ADAMTS3: variants seen among roughly 807,000 people sequenced by gnomAD.
ADAMTS3 encodes ADAM metallopeptidase with thrombospondin type 1 motif 3.
ADAMTS3 carries 73 observed loss-of-function variants against 129.0 expected under a neutral mutation model. The observed-to-expected ratio is 0.57, with a 90% CI of 0.47 to 0.69. The LOEUF is 0.69. ADAMTS3 is among the 30% of genes least tolerant of loss of function. The pLI is 0.00. For synonymous variants in ADAMTS3, 477 were observed against 510.8 expected, an observed-to-expected ratio of 0.93 and a Z score of 0.89; for missense variants, 1,457 against 1,514.5, an observed-to-expected ratio of 0.96 and a Z score of 0.63.
intron 4 of ADAMTS3, among the ~76,000 whole-genome samples, chr4:72,367,625 C>T (rs1337273305): frequency 1.3e-5 from 2 of 151,974 alleles, no homozygotes; most frequent in African/African-American, 4.8e-5. Context: ...CCGAGGCAGG[C>T]GGATCCCAAG....
chr4:72,299,227 A>C (rs1413962829), intron 17 of ADAMTS3, among the ~76,000 whole-genome samples: 1 of 151,848 alleles, frequency 6.6e-6, no homozygotes, highest in African/African-American at 2.4e-5. Flanking sequence ...GGTCAGAGGG[A>C]ATGGAAGGAG....
intron 4 of ADAMTS3, 86 bp from the exon 5 acceptor site, chr4:72,339,779 G>C (rs1308761211): frequency 9.4e-7 from 1 of 1,065,056 alleles, no homozygotes; most frequent in Non-Finnish European, 1.4e-6. Context: ...TCTTCTCAGG[G>C]GCCTATCAGT....
chr4:72,536,665 T>C (rs1168867953), intron 3 of ADAMTS3, among the ~76,000 whole-genome samples: 1 of 152,166 alleles, frequency 6.6e-6, no homozygotes, highest in African/African-American at 2.4e-5. Context: ...GTCATGAGGC[T>C]GGTAAGTGAT....
At chr4:72,296,540 T>C (rs1718813340) in intron 18 of ADAMTS3, among the ~76,000 whole-genome samples, 1 of 152,104 alleles carries the variant, frequency 6.6e-6, no homozygotes, top group East Asian at 1.9e-4. Flanking sequence ...TGCATCTAGA[T>C]TGATCTTTTG....
intron 4 of ADAMTS3, among the ~76,000 whole-genome samples, chr4:72,354,057 G>A (rs961858211): frequency 7.2e-5 from 11 of 152,036 alleles, no homozygotes; most frequent in African/African-American, 2.7e-4. Flanking sequence ...GGCATTGGAT[G>A]TGGATAAGAC....
chr4:72,408,501 C>A (rs12508388), intron 4 of ADAMTS3, among the ~76,000 whole-genome samples: 2 of 151,840 alleles, frequency 1.3e-5, no homozygotes, highest in Non-Finnish European at 2.9e-5. Context: ...GCTTGATGAT[C>A]CAGCAAGGAA....
Position 72,498,784 on chromosome 4 carries a change from T to C in ADAMTS3, c.504+49694A>G, listed in dbSNP as rs150441871. On this transcript the variant is annotated intron_variant, in intron 3 of 21. Transcript: ENST00000286657. ...TTAACTTCCCCATAAAGCTGTCTCA[T>C]AGTTTCAGTAATAACAGAATTCTTG... Among the ~76,000 whole-genome samples the C allele has an allele frequency of 2.6e-5, 4 of 152,158 alleles. No individual in the cohort carries two copies. The East Asian group carries it at 7.7e-4, about 29-fold the overall frequency.
chr4:72,376,421 C>A (rs1485907457), intron 4 of ADAMTS3, among the ~76,000 whole-genome samples: 1 of 152,066 alleles, frequency 6.6e-6, no homozygotes, highest in Admixed American at 6.6e-5. Context: ...TCAGCATGGA[C>A]GTTCAATAAA....
rs202113610 is a variant in ADAMTS3, at chr4:72,536,239, GT to G, written c.504+12238del. Among the ~76,000 whole-genome samples, 232 of 152,246 alleles carry G rather than the reference GT, an allele frequency of 1.5e-3. 3 individuals carry two copies. Among genetic ancestry groups the G allele is most frequent in the Admixed American group, 8.7e-3 (133 of 15,298 alleles). ...ATATAAATAAGATGGAAAGTAATGG[GT>G]TTTTTATCTTTAGAACTCTTCAGGA... On this transcript the variant is annotated intron_variant, in intron 3 of 21. Transcript: ENST00000286657.
chr4:72,389,038 A>G (rs767283278), intron 4 of ADAMTS3, among the ~76,000 whole-genome samples: 2 of 152,132 alleles, frequency 1.3e-5, no homozygotes, highest in Non-Finnish European at 2.9e-5. Context: ...CACAAACCAA[A>G]ATTCCAGATT....
intron 20 of ADAMTS3, among the ~76,000 whole-genome samples, chr4:72,290,032 A>C (rs1274085583): frequency 6.6e-6 from 1 of 152,146 alleles, no homozygotes; most frequent in African/African-American, 2.4e-5. Context: ...TTCCTCCTAT[A>C]AACTATTCTC....
intron 3 of ADAMTS3, among the ~76,000 whole-genome samples, chr4:72,426,981 G>A (rs1218773722): frequency 6.6e-6 from 1 of 152,052 alleles, no homozygotes; most frequent in East Asian, 1.9e-4. Flanking sequence ...ATTAAATTAG[G>A]TGGGTGGAAA....
chr4:72,451,205 A>C (rs905293896), intron 3 of ADAMTS3, among the ~76,000 whole-genome samples: 21 of 151,712 alleles, frequency 1.4e-4, no homozygotes, highest in African/African-American at 3.6e-4. Flanking sequence ...GGAGAAGATC[A>C]AGTCTGGCCC....
chr4:72,443,146 A>G (rs1560517275), intron 3 of ADAMTS3, among the ~76,000 whole-genome samples: 1 of 151,610 alleles, frequency 6.6e-6, no homozygotes, highest in Non-Finnish European at 1.5e-5. Context: ...TTCCCTGCCC[A>G]TATCTGCCCA....
At chr4:72,476,088 C>G (rs1192691460) in intron 3 of ADAMTS3, among the ~76,000 whole-genome samples, 1 of 151,514 alleles carries the variant, frequency 6.6e-6, no homozygotes, top group Admixed American at 6.6e-5. Context: ...CAAAGTAAAC[C>G]CAAACTAAGT....
rs777705143 is a variant in ADAMTS3, at chr4:72,406,865, TG to T, written c.661+7949del. ...GTTTCAGAGATGCCCATTAATAATA[TG>T]TGTAAGTCTGAGCTGGCAGCATTTT... On this transcript the variant is annotated intron_variant, in intron 4 of 21. Transcript: ENST00000286657. Among the ~76,000 whole-genome samples the T allele has an allele frequency of 4.1e-4, 63 of 152,296 alleles. 1 individual carries two copies. Among genetic ancestry groups the T allele is most frequent in the Non-Finnish European group, 7.9e-4 (54 of 68,030 alleles).
At chr4:72,463,900 C>T (rs938152391) in intron 3 of ADAMTS3, among the ~76,000 whole-genome samples, 3 of 151,854 alleles carry the variant, frequency 2.0e-5, no homozygotes, top group African/African-American at 4.8e-5. Flanking sequence ...ATTTAACATC[C>T]TAGCATTAGC....
intron 3 of ADAMTS3, among the ~76,000 whole-genome samples, chr4:72,530,475 A>AATATATAAATATATAAAAAT (rs1334957984): frequency 0.63 from 50,946 of 81,418 alleles, 16,235 homozygotes; most frequent in African/African-American, 0.72. Context: ...ATATTAATTT[A>AATATATAAATATATAAAAAT]ATATATAAAT....
chr4:72,393,711 C>T (rs767948573), intron 4 of ADAMTS3, among the ~76,000 whole-genome samples: 1 of 152,078 alleles, frequency 6.6e-6, no homozygotes, highest in African/African-American at 2.4e-5. Flanking sequence ...ATGTAGAGAT[C>T]ACTTATATCA....
Sources: gnomAD v4.1 joint callset for allele counts (sites outside exome capture counted in the v4.1 genomes callset) on GRCh38, gnomAD v4.1.1 for gene constraint, MANE v1.5 for transcripts, NCBI Gene and HGNC (gene_info 2026-07-23, HGNC 2026-07-21) for gene names.